OSBPL10: variants seen among roughly 807,000 people sequenced by gnomAD.
The protein encoded by OSBPL10 is oxysterol-binding protein-related protein 10.
OSBPL10 carries 49 observed loss-of-function variants against 81.7 expected under a neutral mutation model. That is an observed-to-expected ratio of 0.60 (90% CI 0.48 to 0.76). The LOEUF (loss-of-function observed/expected upper bound fraction) is 0.76. OSBPL10 is among the 30% of genes least tolerant of loss of function. The pLI is 0.00. For missense variants in OSBPL10, 923 were observed against 987.8 expected, an observed-to-expected ratio of 0.93 and a Z score of 0.88; for synonymous variants, 419 against 383.6, an observed-to-expected ratio of 1.09 and a Z score of -1.08.
intron 2 of OSBPL10, among the ~76,000 whole-genome samples, chr3:32,043,352 C>T (rs1261552504): frequency 2.0e-5 from 3 of 152,110 alleles, no homozygotes; most frequent in African/African-American, 7.2e-5. Context: ...CCCTGAAAAT[C>T]GCTGATTTTC....
At chr3:31,866,516 A>G (rs1291613940) in intron 3 of OSBPL10, among the ~76,000 whole-genome samples, 1 of 152,202 alleles carries the variant, frequency 6.6e-6, no homozygotes, top group Non-Finnish European at 1.5e-5. Context: ...CAGGGTGCCA[A>G]GCCAGCCCAT....
intron 2 of OSBPL10, chr3:32,030,539 A>T: frequency 1.3e-6 from 1 of 756,708 alleles, no homozygotes. Context: ...AATGATCAGA[A>T]AAAGAAAGAA....
chr3:32,034,427 C>T (rs922506301), intron 2 of OSBPL10, among the ~76,000 whole-genome samples: 2 of 129,994 alleles, frequency 1.5e-5, no homozygotes, highest in South Asian at 2.7e-4. Context: ...GGTGACAGAG[C>T]GAGACCCTGT....
At chr3:32,072,716 C>T (rs543381029) in intron 1 of OSBPL10, among the ~76,000 whole-genome samples, 39 of 152,286 alleles carry the variant, frequency 2.6e-4, no homozygotes, top group African/African-American at 7.2e-4. Context: ...GATTCACCCT[C>T]GCCCAGGAGT....
intron 4 of OSBPL10, among the ~76,000 whole-genome samples, chr3:31,759,736 AG>A (rs768102334): frequency 3.9e-5 from 6 of 152,098 alleles, no homozygotes; most frequent in Admixed American, 6.5e-5. Context: ...ACAAAGCAAG[AG>A]AAAAGAGATG....
At chr3:31,865,052 C>G (rs1166516457) in intron 3 of OSBPL10, among the ~76,000 whole-genome samples, 1 of 151,958 alleles carries the variant, frequency 6.6e-6, no homozygotes, top group Non-Finnish European at 1.5e-5. Flanking sequence ...GACCAGGACT[C>G]CCAACAGAAA....
intron 4 of OSBPL10, among the ~76,000 whole-genome samples, chr3:31,773,991 G>A (rs113248969): frequency 0.15 from 23,464 of 151,714 alleles, 2,726 homozygotes; most frequent in African/African-American, 0.33. Flanking sequence ...GTGAAACCCC[G>A]TCTCTACTAA....
At chr3:31,735,201 G>C (rs1395309075) in intron 5 of OSBPL10, among the ~76,000 whole-genome samples, 1 of 152,206 alleles carries the variant, frequency 6.6e-6, no homozygotes, top group Admixed American at 6.5e-5. Flanking sequence ...TTGGGATCCC[G>C]GCTGAGGCGG....
In OSBPL10 at chr3:32,062,105, T is replaced by TTTTTG. The variant is rs1180643724; in HGVS notation, n.185+15286_185+15290dup. Among the ~76,000 whole-genome samples the TTTTTG allele has an allele frequency of 3.3e-5, 3 of 92,166 alleles. 1 individual carries two copies. The East Asian group carries it at 7.6e-4, about 23-fold the overall frequency. The allele number at this position is 92,166 out of a possible 152,430, so 60.5% of individuals were successfully genotyped here. A position where few individuals can be genotyped will look rare whatever the true frequency, so the allele number is the denominator to read the frequency against. ...TTTATTGGTTTTTTGTTGTTGTTGT[T>TTTTTG]TTTTGTTTTGTTTTGTTTTTGAGAC... On this transcript the variant is annotated intron_variant and non_coding_transcript_variant, in intron 1 of 3. Transcript: ENST00000479173.
chr3:31,942,168 G>A (rs568358335), intron 1 of OSBPL10, among the ~76,000 whole-genome samples: 16 of 152,224 alleles, frequency 1.1e-4, no homozygotes, highest in African/African-American at 3.9e-4. Context: ...CCAACTACTC[G>A]GGAGGCTGAG....
chr3:31,962,067 G>T (rs1467685197), intron 1 of OSBPL10, among the ~76,000 whole-genome samples: 3 of 152,034 alleles, frequency 2.0e-5, no homozygotes, highest in Non-Finnish European at 4.4e-5. Context: ...CAATTCACCT[G>T]CCTCAGCCTC....
At chr3:31,754,213 T>A (rs1351312007) in intron 4 of OSBPL10, among the ~76,000 whole-genome samples, 1 of 152,106 alleles carries the variant, frequency 6.6e-6, no homozygotes, top group Non-Finnish European at 1.5e-5. Context: ...GGGACACTGC[T>A]CCTCATACCC....
intron 4 of OSBPL10, among the ~76,000 whole-genome samples, chr3:31,816,276 T>C (rs1262620601): frequency 6.6e-6 from 1 of 152,106 alleles, no homozygotes; most frequent in African/African-American, 2.4e-5. Context: ...TCATGTCAGT[T>C]TAACCAACCG....
At chr3:31,666,197 G>A (rs1236545603) in intron 10 of OSBPL10, among the ~76,000 whole-genome samples, 1 of 152,242 alleles carries the variant, frequency 6.6e-6, no homozygotes, top group Non-Finnish European at 1.5e-5. Flanking sequence ...GCATCCCTGG[G>A]TGCTGGCTCT....
intron 4 of OSBPL10, among the ~76,000 whole-genome samples, chr3:31,778,055 G>T (rs1289606006): frequency 6.6e-6 from 1 of 152,220 alleles, no homozygotes; most frequent in Non-Finnish European, 1.5e-5. Context: ...AGGAAGGACA[G>T]CAGAGTCACA....
intron 1 of OSBPL10, among the ~76,000 whole-genome samples, chr3:31,947,157 A>G (rs1164001074): frequency 1.3e-5 from 2 of 152,234 alleles, no homozygotes; most frequent in Non-Finnish European, 2.9e-5. Flanking sequence ...TGGACATCAG[A>G]AACACTGGGC....
At chr3:32,021,997 AC>A (rs1424852282) in intron 2 of OSBPL10, among the ~76,000 whole-genome samples, 1 of 152,044 alleles carries the variant, frequency 6.6e-6, no homozygotes, top group African/African-American at 2.4e-5. Flanking sequence ...AAAAAGTAAA[AC>A]AAAATATGTA....
intron 1 of OSBPL10, among the ~76,000 whole-genome samples, chr3:31,947,699 A>T (rs1697741920): frequency 6.6e-6 from 1 of 152,092 alleles, no homozygotes; most frequent in Non-Finnish European, 1.5e-5. Flanking sequence ...CTGTGGAAAC[A>T]CTCCACACGC....
rs1246299416 is a variant in OSBPL10, at chr3:31,688,283, T to TCTCACACACACA, written c.1246-4170_1246-4169insTGTGTGTGTGAG. Among the ~76,000 whole-genome samples, 91 of 115,478 alleles carry TCTCACACACACA rather than the reference T, an allele frequency of 7.9e-4. 1 individual carries two copies. Among genetic ancestry groups the TCTCACACACACA allele is most frequent in the East Asian group, 7.1e-3 (25 of 3,530 alleles). The allele number at this position is 115,478 out of a possible 152,430, so 75.8% of individuals were successfully genotyped here. On this transcript the variant is annotated intron_variant, in intron 7 of 11. Transcript: ENST00000396556. ...CTGCACAAATCTCTCTCTCTCTCTCTCACACACACACACACACACACACAC... is the reference window on the plus strand; with the variant it reads ...CTGCACAAATCTCTCTCTCTCTCTCTCTCACACACACACACACACACACACACACACACACAC...
Sources: gnomAD v4.1 joint callset for allele counts (sites outside exome capture counted in the v4.1 genomes callset) on GRCh38, gnomAD v4.1.1 for gene constraint, MANE v1.5 for transcripts, NCBI Gene and HGNC (gene_info 2026-07-23, HGNC 2026-07-21) for gene names.